CDKAL1: variants seen among roughly 807,000 people sequenced by gnomAD.
CDKAL1 encodes the protein CDKAL1 threonylcarbamoyladenosine tRNA methylthiotransferase, also known as threonylcarbamoyladenosine tRNA methylthiotransferase.
In CDKAL1, 32 loss-of-function variants were observed where a neutral mutation model predicts 68.2. That is an observed-to-expected ratio of 0.47 (90% CI 0.35 to 0.63). The LOEUF is 0.63. Among genes scored for constraint, CDKAL1 ranks in the 30% least tolerant of loss-of-function variants. CDKAL1 has a pLI of 0.00. For synonymous variants in CDKAL1, 234 were observed against 244.3 expected, an observed-to-expected ratio of 0.96 and a Z score of 0.39; for missense variants, 606 against 696.7, an observed-to-expected ratio of 0.87 and a Z score of 1.47.
intron 7 of CDKAL1, among the ~76,000 whole-genome samples, chr6:20,779,310 T>C (rs557735132): frequency 5.9e-5 from 9 of 152,322 alleles, no homozygotes; most frequent in Non-Finnish European, 5.9e-5. Context: ...AAATAAAACA[T>C]ATGTCCATAC....
intron 5 of CDKAL1, among the ~76,000 whole-genome samples, chr6:20,695,935 A>G (rs1771086111): frequency 1.3e-5 from 2 of 152,102 alleles, no homozygotes; most frequent in South Asian, 4.1e-4. Flanking sequence ...GTAACTCCCC[A>G]TTCCTCCTTT....
At chr6:20,652,826 A>G (rs377056779) in intron 5 of CDKAL1, among the ~76,000 whole-genome samples, 1 of 152,322 alleles carries the variant, frequency 6.6e-6, no homozygotes, top group East Asian at 1.9e-4. Flanking sequence ...GAAGTATAAC[A>G]TTGTCAAGAC....
At chr6:20,633,593 A>G (rs907597438) in intron 4 of CDKAL1, among the ~76,000 whole-genome samples, 1 of 152,176 alleles carries the variant, frequency 6.6e-6, no homozygotes, top group Non-Finnish European at 1.5e-5. Context: ...CTGTTTAACA[A>G]TTTGAGGAAT....
At chr6:20,882,149 CTGAAGAAGG>C (rs1459782093) in intron 9 of CDKAL1, among the ~76,000 whole-genome samples, 2 of 152,128 alleles carry the variant, frequency 1.3e-5, no homozygotes, top group Non-Finnish European at 2.9e-5. Flanking sequence ...TGACCTTCCT[CTGAAGAAGG>C]TCATAAGACA....
chr6:21,170,574 C>T (rs1366089346), intron 13 of CDKAL1, among the ~76,000 whole-genome samples: 7 of 152,122 alleles, frequency 4.6e-5, no homozygotes, highest in South Asian at 2.1e-4. Flanking sequence ...ATGATCGACC[C>T]GCCTCAGCCT....
chr6:20,947,955 C>T (rs2150711558), intron 9 of CDKAL1, among the ~76,000 whole-genome samples: 1 of 145,718 alleles, frequency 6.9e-6, no homozygotes, highest in South Asian at 2.2e-4. Context: ...ACAAAATTTT[C>T]TAATTTTAAT....
intron 5 of CDKAL1, among the ~76,000 whole-genome samples, chr6:20,669,754 C>T (rs1306757792): frequency 6.6e-6 from 1 of 152,100 alleles, no homozygotes; most frequent in Non-Finnish European, 1.5e-5. Context: ...ACTTTCCTTG[C>T]CTCAAGTCCT....
chr6:20,627,748 A>G (rs929769297), intron 4 of CDKAL1, among the ~76,000 whole-genome samples: 1 of 152,098 alleles, frequency 6.6e-6, no homozygotes, highest in African/African-American at 2.4e-5. Flanking sequence ...ATTTGGAGAG[A>G]CTTTAATTTT....
chr6:20,806,416 T>G (rs1488068682), intron 8 of CDKAL1, among the ~76,000 whole-genome samples: 2 of 152,206 alleles, frequency 1.3e-5, no homozygotes, highest in African/African-American at 4.8e-5. Context: ...GTCTTTTCCA[T>G]TGTAAATAGT....
chr6:20,971,776 A>G (rs1444968935), intron 10 of CDKAL1, among the ~76,000 whole-genome samples: 2 of 152,236 alleles, frequency 1.3e-5, no homozygotes, highest in African/African-American at 4.8e-5. Flanking sequence ...ATTCACATGT[A>G]AGTCATCTGA....
intron 9 of CDKAL1, among the ~76,000 whole-genome samples, chr6:20,861,240 GAGATCA>G (rs1188782004): frequency 6.6e-6 from 1 of 152,168 alleles, no homozygotes; most frequent in East Asian, 1.9e-4. Flanking sequence ...ATCTGATTCA[GAGATCA>G]AGGCCAGAGT....
At chr6:20,955,679 A>G in intron 10 of CDKAL1, 94 bp downstream of exon 10, 1 of 1,054,092 alleles carries the variant, frequency 9.5e-7, no homozygotes, top group Non-Finnish European at 1.3e-6. Context: ...CTTCATTTAA[A>G]ACTCCTTCAC....
intron 6 of CDKAL1, among the ~76,000 whole-genome samples, chr6:20,745,876 A>G (rs1214142166): frequency 6.6e-6 from 1 of 152,224 alleles, no homozygotes; most frequent in East Asian, 1.9e-4. Flanking sequence ...TTGGTATTTT[A>G]CATCTCTAAT....
At chr6:20,879,260 A>C (rs1760694514) in intron 9 of CDKAL1, among the ~76,000 whole-genome samples, 1 of 152,114 alleles carries the variant, frequency 6.6e-6, no homozygotes, top group Admixed American at 6.5e-5. Flanking sequence ...GCTGCCCCAA[A>C]GGGGCAAAGC....
chr6:20,923,659 TACAA>T, intron 9 of CDKAL1, among the ~76,000 whole-genome samples: 1 of 152,172 alleles, frequency 6.6e-6, no homozygotes, highest in African/African-American at 2.4e-5. Context: ...CTTAGAGGCC[TACAA>T]AGGCCTCTAA....
At chr6:20,668,581 A>G (rs962706224) in intron 5 of CDKAL1, among the ~76,000 whole-genome samples, 1 of 152,214 alleles carries the variant, frequency 6.6e-6, no homozygotes, top group African/African-American at 2.4e-5. Flanking sequence ...AAATAATAAC[A>G]TAATTACTGA....
At chr6:20,666,621 A>G (rs750530173) in intron 5 of CDKAL1, among the ~76,000 whole-genome samples, 3 of 151,484 alleles carry the variant, frequency 2.0e-5, no homozygotes, top group Admixed American at 6.6e-5. Context: ...CCTGGAATCT[A>G]CTTACATAGA....
In CDKAL1 at chr6:20,745,231, G is replaced by A. The variant is rs1773615986; in HGVS notation, c.468+5616G>A. On this transcript the variant is annotated intron_variant, in intron 6 of 15. Transcript: ENST00000274695. ...TGACTTTTGACTATTTCAAATGCGA[G>A]CACTTTAATTTTGAAAATTATGTGT... Among the ~76,000 whole-genome samples, 4 of 152,190 alleles carry A rather than the reference G, an allele frequency of 2.6e-5. No individual in the cohort carries two copies. The South Asian group carries it at 8.3e-4, about 32-fold the overall frequency.
Position 20,858,075 on chromosome 6 carries a change from T to C in CDKAL1, c.742+11897T>C, listed in dbSNP as rs1213969843. ...GTTTTTACCCTGTTGGCCAGGCTGG[T>C]CTCGAATTCCTGACCTCAAGTGATC... is the stretch of plus-strand genomic sequence containing the variant. On this transcript the variant is annotated intron_variant, in intron 9 of 15. Coordinates refer to ENST00000274695, the MANE Select transcript of CDKAL1 (RefSeq NM_017774.3). 2.0e-5 allele frequency among the ~76,000 whole-genome samples: 3 copies of C among 152,148 alleles called. No homozygotes were observed. In the East Asian group the frequency reaches 5.8e-4, roughly 29 times the overall value.
Sources: allele counts gnomAD v4.1 joint callset (sites outside exome capture counted in the v4.1 genomes callset), GRCh38; gene constraint gnomAD v4.1.1; transcripts MANE v1.5; gene names NCBI Gene and HGNC (gene_info 2026-07-23, HGNC 2026-07-21).